The following PARN variants were observed in gnomAD, a reference collection of about 807,000 sequenced individuals.
PARN encodes poly(A)-specific ribonuclease PARN.
Under a neutral mutation model 102.8 loss-of-function variants are expected in PARN, and 71 were observed. The ratio of observed to expected loss-of-function variants is 0.69; its 90% confidence interval spans 0.57 to 0.84. The LOEUF (loss-of-function observed/expected upper bound fraction) is 0.84, where lower values mean the gene tolerates loss of function less well. Ranked by LOEUF, PARN falls within the 40% of genes least tolerant of loss-of-function variation. The pLI, the probability that PARN is intolerant of heterozygous loss-of-function variation, is 0.00. For missense variants in PARN, 782 were observed against 760.9 expected (o/e 1.03, Z -0.33); for synonymous variants, 261 against 252.9 (o/e 1.03, Z -0.30).
chr16:14,590,348 A>G (rs1400162135), intron 13 of PARN, among the ~76,000 whole-genome samples: 2 of 151,472 alleles, frequency 1.3e-5, no homozygotes, highest in African/African-American at 4.8e-5. Flanking sequence ...AGAAATGCCA[A>G]TCCAGGCCAG....
At chr16:14,505,684 TAATA>T (rs1302218644) in intron 21 of PARN, among the ~76,000 whole-genome samples, 17 of 152,190 alleles carry the variant, frequency 1.1e-4, no homozygotes, top group Non-Finnish European at 1.2e-4. Flanking sequence ...TCATTAAATG[TAATA>T]AATAATAATC....
At chr16:14,616,679 G>C (rs899324212) in intron 6 of PARN, among the ~76,000 whole-genome samples, 1 of 152,184 alleles carries the variant, frequency 6.6e-6, no homozygotes, top group African/African-American at 2.4e-5. Flanking sequence ...AGGAGGTCAA[G>C]GCTCCGGTGA....
At chr16:14,466,877 C>T (rs574817610) in intron 22 of PARN, among the ~76,000 whole-genome samples, 1 of 152,202 alleles carries the variant, frequency 6.6e-6, no homozygotes, top group South Asian at 2.1e-4. Context: ...TCCTATAAAC[C>T]CACTAACACT....
chr16:14,535,132 G>C (rs1966556994), intron 21 of PARN, among the ~76,000 whole-genome samples: 1 of 152,230 alleles, frequency 6.6e-6, no homozygotes, highest in South Asian at 2.1e-4. Flanking sequence ...TCGCACCCTG[G>C]CTAAATAACT....
At chr16:14,460,350 T>C (rs1961897275) in intron 22 of PARN, among the ~76,000 whole-genome samples, 1 of 152,082 alleles carries the variant, frequency 6.6e-6, no homozygotes, top group African/African-American at 2.4e-5. Flanking sequence ...ATAAAGGAAC[T>C]CTGAGGAAAC....
At chr16:14,576,243 T>C (rs1367650911) in intron 18 of PARN, 1 of 152,236 alleles carries the variant, frequency 6.6e-6, no homozygotes, top group East Asian at 1.9e-4. Flanking sequence ...TAAAGCAGTG[T>C]CATTCCAGGA....
intron 23 of PARN, among the ~76,000 whole-genome samples, chr16:14,444,206 G>A (rs1452352862): frequency 6.6e-6 from 1 of 152,150 alleles, no homozygotes; most frequent in African/African-American, 2.4e-5. Flanking sequence ...GTTTCCACCT[G>A]GCACCGTCAG....
At chr16:14,487,754 T>G (rs1334041149) in intron 21 of PARN, among the ~76,000 whole-genome samples, 1 of 152,196 alleles carries the variant, frequency 6.6e-6, no homozygotes, top group African/African-American at 2.4e-5. Context: ...GGAGAGGAAG[T>G]TGACTACAAA....
At chr16:14,536,543 G>C (rs879751777) in intron 21 of PARN, among the ~76,000 whole-genome samples, 1 of 152,132 alleles carries the variant, frequency 6.6e-6, no homozygotes, top group Admixed American at 6.5e-5. Flanking sequence ...AGTGGTACCT[G>C]CTTTCTAAAG....
chr16:14,620,777 T>C (rs1214259350), intron 5 of PARN, among the ~76,000 whole-genome samples: 1 of 152,232 alleles, frequency 6.6e-6, no homozygotes, highest in African/African-American at 2.4e-5. Flanking sequence ...TGGATTGTCC[T>C]AATCCTATGG....
chr16:14,532,483 A>G (rs948890979), intron 21 of PARN, among the ~76,000 whole-genome samples: 3 of 152,080 alleles, frequency 2.0e-5, no homozygotes, highest in Admixed American at 6.6e-5. Flanking sequence ...CAGAGAGCAC[A>G]GGGTTGGGGG....
Position 14,582,191 on chromosome 16 carries a change from G to C in PARN, c.1182C>G (p.Ala394=), listed in dbSNP as rs753507535. ...ACATGTAATGCGTACCTAGGTAATTGGCCATGGAGATGAAGCACAGCCCTG... is the reference window on the plus strand; with the variant it reads ...ACATGTAATGCGTACCTAGGTAATTCGCCATGGAGATGAAGCACAGCCCTG... ...YITGLCFISM[A]NYLGSFLSPP... The change falls in exon 17 of 24, where the codon GCC becomes GCG. Residue 394 remains alanine (A), a synonymous_variant. Transcript: ENST00000437198. 6.2e-6 allele frequency: 10 copies of C among 1,600,128 alleles called. No individual in the cohort carries two copies. In the Admixed American group the frequency reaches 1.7e-4, roughly 27 times the overall value.
rs1261884063 is a variant in PARN, at chr16:14,527,491, T to C, written c.1480+24530A>G. On this transcript the variant is annotated intron_variant, in intron 21 of 23. Coordinates refer to ENST00000437198, the MANE Select transcript of PARN (RefSeq NM_002582.4). ...TGTCATAATTTTTTTCTTTTTGACG[T>C]CATGAAAGCTGAATTAGCAAATGCT... 4.6e-5 allele frequency among the ~76,000 whole-genome samples: 7 copies of C among 152,346 alleles called. 1 individual carries two copies. The South Asian group carries it at 1.4e-3, about 32-fold the overall frequency.
chr16:14,517,647 G>C (rs1965522682), intron 21 of PARN, among the ~76,000 whole-genome samples: 1 of 152,206 alleles, frequency 6.6e-6, no homozygotes, highest in Non-Finnish European at 1.5e-5. Context: ...TATGCCTGAA[G>C]ATTGCCTTAT....
intron 21 of PARN, among the ~76,000 whole-genome samples, chr16:14,500,230 A>T (rs540177166): frequency 2.0e-5 from 3 of 151,920 alleles, no homozygotes; most frequent in South Asian, 2.1e-4. Context: ...TAATTTAAAA[A>T]TTTTTTTTGT....
intron 22 of PARN, among the ~76,000 whole-genome samples, chr16:14,449,063 T>C (rs1961329747): frequency 6.6e-6 from 1 of 152,190 alleles, no homozygotes; most frequent in Non-Finnish European, 1.5e-5. Context: ...ATAAGGGTTC[T>C]TCTATCACGA....
chr16:14,599,107 A>C (rs865912684), intron 12 of PARN, among the ~76,000 whole-genome samples: 1 of 128,774 alleles, frequency 7.8e-6, no homozygotes, highest in Non-Finnish European at 1.5e-5. Flanking sequence ...CAATGGCGTG[A>C]TCACAGCTCA....
At chr16:14,483,983 C>T (rs557800878) in intron 21 of PARN, among the ~76,000 whole-genome samples, 7 of 152,148 alleles carry the variant, frequency 4.6e-5, no homozygotes, top group Admixed American at 2.0e-4. Flanking sequence ...TCTTTTATCC[C>T]TCACCCCCTC....
chr16:14,597,630 G>A (rs1970603737), intron 12 of PARN, among the ~76,000 whole-genome samples: 1 of 151,938 alleles, frequency 6.6e-6, no homozygotes, highest in African/African-American at 2.4e-5. Flanking sequence ...CCAGGAGGCA[G>A]AGCTTGCAGT....
Sources: gnomAD v4.1 joint callset for allele counts (sites outside exome capture counted in the v4.1 genomes callset) on GRCh38, gnomAD v4.1.1 for gene constraint, MANE v1.5 for transcripts, NCBI Gene and HGNC (gene_info 2026-07-23, HGNC 2026-07-21) for gene names.